The following BAIAP2L2 variants were observed in gnomAD, a reference collection of about 807,000 sequenced individuals.
BAIAP2L2 encodes the protein BAR/IMD domain containing adaptor protein 2 like 2, also known as BAR/IMD domain-containing adapter protein 2-like 2.
A neutral mutation model predicts 60.4 loss-of-function variants in BAIAP2L2; 65 were observed. The ratio of observed to expected loss-of-function variants is 1.08; its 90% confidence interval spans 0.88 to 1.32. The LOEUF is 1.32. Among genes scored for constraint, BAIAP2L2 ranks in the 40% most tolerant of loss-of-function variants. The pLI is 0.00. For missense variants in BAIAP2L2, 836 were observed against 741.2 expected, an observed-to-expected ratio of 1.13 and a Z score of -1.48; for synonymous variants, 344 against 301.7, an observed-to-expected ratio of 1.14 and a Z score of -1.45.
rs2086738618 is a variant in BAIAP2L2, at chr22:38,109,265, C to A, written c.52-57G>T. 3 of 1,405,162 alleles carry A rather than the reference C, an allele frequency of 2.1e-6. No individual in the cohort carries two copies. In the African/African-American group the frequency reaches 4.3e-5, roughly 20 times the overall value. 87.0% of individuals were successfully genotyped at this position (1,405,162 alleles called of 1,614,324 possible). Reference sequence around the variant, plus strand: ...GTAGAGATGGGGGAGCGAGAAGGAACCACGGATGGAGTCAAGTCACCAGGC... The same window carrying A: ...GTAGAGATGGGGGAGCGAGAAGGAAACACGGATGGAGTCAAGTCACCAGGC... On this transcript the variant is annotated intron_variant, in intron 1 of 13. Coordinates refer to ENST00000381669, the MANE Select transcript of BAIAP2L2 (RefSeq NM_025045.6).
intron 7 of BAIAP2L2, among the ~76,000 whole-genome samples, chr22:38,093,074 G>A (rs539030796): frequency 6.6e-6 from 1 of 152,290 alleles, no homozygotes; most frequent in South Asian, 2.1e-4. Context: ...GCTGAGGCAG[G>A]AGAATCGCTT....
At chr22:38,101,851 C>T (rs1242694649) in intron 4 of BAIAP2L2, among the ~76,000 whole-genome samples, 1 of 151,938 alleles carries the variant, frequency 6.6e-6, no homozygotes, top group Admixed American at 6.6e-5. Flanking sequence ...AAGATTCCGT[C>T]TCAAAAAACA....
At chr22:38,109,696 T>G (rs1193418747) in intron 1 of BAIAP2L2, among the ~76,000 whole-genome samples, 1 of 150,964 alleles carries the variant, frequency 6.6e-6, no homozygotes, top group East Asian at 2.0e-4. Flanking sequence ...TGTGGCTGGA[T>G]TAGTGTGGGC....
chr22:38,108,108 G>C (rs1235544577), intron 3 of BAIAP2L2, 147 bp downstream of exon 3: 1 of 942,068 alleles, frequency 1.1e-6, no homozygotes, highest in African/African-American at 1.6e-5. Flanking sequence ...GCAGGGAGTG[G>C]TGGCGGGGAG....
chr22:38,088,432 C>T (rs1015197878), intron 10 of BAIAP2L2, among the ~76,000 whole-genome samples: 1 of 152,240 alleles, frequency 6.6e-6, no homozygotes, highest in Non-Finnish European at 1.5e-5. Flanking sequence ...AAGCAGCCTC[C>T]TCCCAGAGGC....
At chr22:38,099,799 C>A (rs985237796) in intron 4 of BAIAP2L2, among the ~76,000 whole-genome samples, 11 of 152,204 alleles carry the variant, frequency 7.2e-5, no homozygotes, top group Non-Finnish European at 1.5e-4. Context: ...CAGCCTCTGT[C>A]CACACACCCT....
intron 7 of BAIAP2L2, 26 bp downstream of exon 7, chr22:38,097,006 G>A (rs1376299500): frequency 1.3e-6 from 2 of 1,596,070 alleles, no homozygotes; most frequent in East Asian, 2.3e-5. Flanking sequence ...GAAGCGCCCC[G>A]CTTGCTGCCC....
At chr22:38,091,394 G>A (rs1431535083) in intron 7 of BAIAP2L2, 1 of 152,190 alleles carries the variant, frequency 6.6e-6, no homozygotes, top group Non-Finnish European at 1.5e-5. Context: ...AGTATCATTG[G>A]ATTGTTTGTA....
chr22:38,101,358 T>G (rs2086561696), intron 4 of BAIAP2L2, among the ~76,000 whole-genome samples: 1 of 112,194 alleles, frequency 8.9e-6, no homozygotes, highest in Non-Finnish European at 1.7e-5. Context: ...CATAGTAAGA[T>G]GCTGTCTCTA....
At chr22:38,107,934 G>A in intron 3 of BAIAP2L2, 21 bp from the exon 4 acceptor site, 2 of 1,612,398 alleles carry the variant, frequency 1.2e-6, no homozygotes, top group Non-Finnish European at 1.7e-6. Context: ...GGATGCAGCT[G>A]TGGCTTTGGT....
chr22:38,087,164 G>GGGACATGGA lies in BAIAP2L2; in HGVS notation c.1210_1218dup (p.Ser404_Ser406dup), dbSNP rs1569215704. ...TTCCCGGGGTTCATGGGTGTCATGG[G>GGGACATGGA]GGACATGGAGGTCATGGAGGTCATG... On this transcript the variant is annotated inframe_insertion, in exon 11 of 14. Coordinates refer to ENST00000381669, the MANE Select transcript of BAIAP2L2 (RefSeq NM_025045.6). 17 of 1,564,484 alleles carry GGGACATGGA rather than the reference G, an allele frequency of 1.1e-5. No homozygotes were observed. The highest frequency in any genetic ancestry group is 8.2e-5 in the African/African-American group (6 of 73,082).
chr22:38,087,370 G>T lies in BAIAP2L2; in HGVS notation c.1119-106C>A, dbSNP rs994951565. ...GGGTCACTGGAAGCTACTTCACCTCGAATTGACAGACTACAATCAATTCCG... is the reference window on the plus strand; with the variant it reads ...GGGTCACTGGAAGCTACTTCACCTCTAATTGACAGACTACAATCAATTCCG... On this transcript the variant is annotated intron_variant, in intron 10 of 13. Coordinates refer to ENST00000381669, the MANE Select transcript of BAIAP2L2 (RefSeq NM_025045.6). The T allele has an allele frequency of 2.5e-5, 33 of 1,316,160 alleles. No individual in the cohort carries two copies. The South Asian group carries it at 4.4e-4, about 17-fold the overall frequency. 81.5% of individuals were successfully genotyped at this position (1,316,160 alleles called of 1,614,324 possible). A position where few individuals can be genotyped will look rare whatever the true frequency, so the allele number is the denominator to read the frequency against.
At chr22:38,097,530 G>A (rs1183634799) in intron 6 of BAIAP2L2, among the ~76,000 whole-genome samples, 3 of 152,214 alleles carry the variant, frequency 2.0e-5, no homozygotes, top group African/African-American at 7.2e-5. Context: ...CTACTTGGGG[G>A]GAAGATTCTG....
chr22:38,087,306 G>T, intron 10 of BAIAP2L2, 42 bp from the exon 11 acceptor site: 1 of 1,569,468 alleles, frequency 6.4e-7, no homozygotes, highest in Non-Finnish European at 8.6e-7. Context: ...AAGAAGCCAG[G>T]CCTGGGGACA....
rs769409403 is a variant in BAIAP2L2 at position 38,110,512 on chromosome 22, A to G, written c.14T>C (p.Met5Thr). The stretch of plus-strand genomic sequence containing the variant: ...CATGGTGGACCTGTAGAACTGGTCC[A>G]TCTCGGGGGCCATGGAGGGGCTGTC... MAPE[M>T]DQFYRSTMAI... Residue 5 changes from methionine to threonine, a missense_variant, in exon 1 of 14, where the codon ATG becomes ACG. Coordinates refer to ENST00000381669, the MANE Select transcript of BAIAP2L2 (RefSeq NM_025045.6). 1.2e-6 allele frequency: 2 copies of G among 1,610,856 alleles called. No individual in the cohort carries two copies. The highest frequency in any genetic ancestry group is 1.7e-5 in the Admixed American group (1 of 59,788).
At chr22:38,096,065 C>T (rs2086419730) in intron 7 of BAIAP2L2, among the ~76,000 whole-genome samples, 1 of 151,968 alleles carries the variant, frequency 6.6e-6, no homozygotes, top group Non-Finnish European at 1.5e-5. Context: ...TGGTCAAAAA[C>T]TCAAAAGTCA....
At chr22:38,102,360 C>A (rs2086584789) in intron 4 of BAIAP2L2, among the ~76,000 whole-genome samples, 1 of 152,006 alleles carries the variant, frequency 6.6e-6, no homozygotes, top group Admixed American at 6.6e-5. Context: ...ATGAACGGAA[C>A]CAGGAAATTG....
intron 3 of BAIAP2L2, 131 bp from the exon 4 acceptor site, chr22:38,108,044 C>T (rs1022840501): frequency 9.3e-7 from 1 of 1,080,146 alleles, no homozygotes; most frequent in African/African-American, 1.6e-5. Context: ...CGGGAACTTC[C>T]CATATGGTTC....
At chr22:38,108,390 C>A (rs1468023545) in intron 2 of BAIAP2L2, 49 bp from the exon 3 acceptor site, 1 of 1,437,492 alleles carries the variant, frequency 7.0e-7, no homozygotes. Flanking sequence ...TCTGCCCCAC[C>A]CTTCTGGAGG....
Sources: allele counts gnomAD v4.1 joint callset (sites outside exome capture counted in the v4.1 genomes callset), GRCh38; gene constraint gnomAD v4.1.1; transcripts MANE v1.5; gene names NCBI Gene and HGNC (gene_info 2026-07-23, HGNC 2026-07-21).